Variants in IGFBP2 observed in about 807,000 individuals in gnomAD.
IGFBP2 encodes the protein insulin like growth factor binding protein 2, also known as insulin-like growth factor-binding protein 2.
In IGFBP2, 12 loss-of-function variants were observed where a neutral mutation model predicts 26.2. That is an observed-to-expected ratio of 0.46 (90% CI 0.29 to 0.74). IGFBP2 has a LOEUF of 0.74. Ranked by LOEUF, IGFBP2 falls within the 30% of genes least tolerant of loss-of-function variation. The pLI is 0.09. For synonymous variants in IGFBP2, 189 were observed against 200.6 expected (o/e 0.94, Z 0.49); for missense variants, 328 against 441.2 (o/e 0.74, Z 2.30).
rs112173410 is a variant in IGFBP2, at chr2:216,655,070, CAG to C, written c.443-5486_443-5485del. 5.3e-3 allele frequency among the ~76,000 whole-genome samples: 808 copies of C among 152,212 alleles called. 8 individuals carry two copies. The highest frequency in any genetic ancestry group is 0.018 in the African/African-American group (766 of 41,514). ...AAATTATTATTTTTCGTTTTTGAGA[CAG>C]GGGCTCACTCTGTCACCCAGGCTGG... On this transcript the variant is annotated intron_variant, in intron 1 of 3. Coordinates refer to ENST00000233809, the MANE Select transcript of IGFBP2 (RefSeq NM_000597.3).
rs1281144140 is a variant in IGFBP2, at chr2:216,664,002, G to A, written c.876G>A (p.Lys292=). The A allele has an allele frequency of 5.6e-6, 9 of 1,614,050 alleles. No homozygotes were observed. The highest frequency in any genetic ancestry group is 5.1e-6 in the Non-Finnish European group (6 of 1,180,026). Residue 292 remains lysine, a synonymous_variant, in exon 4 of 4, where the codon AAG becomes AAA. Transcript: ENST00000233809. The surrounding 1 kb of genome is among the most constrained non-coding windows in gnomAD (Gnocchi z 4.6). Reference sequence around the variant, plus strand: ...GGTGTGTGAACCCCAACACCGGGAAGCTGATCCAGGGAGCCCCCACCATCC... The same window carrying A: ...GGTGTGTGAACCCCAACACCGGGAAACTGATCCAGGGAGCCCCCACCATCC... ...ECWCVNPNTG[K]LIQGAPTIRG...
At chr2:216,638,204 A>G (rs1262851826) in intron 1 of IGFBP2, among the ~76,000 whole-genome samples, 1 of 149,886 alleles carries the variant, frequency 6.7e-6, no homozygotes, top group African/African-American at 2.5e-5. Flanking sequence ...AAATAAATAA[A>G]ATAAAAATGC....
chr2:216,659,072 C>A (rs1697978381), intron 1 of IGFBP2, among the ~76,000 whole-genome samples: 1 of 152,168 alleles, frequency 6.6e-6, no homozygotes, highest in African/African-American at 2.4e-5. Context: ...GTGCTGGCTT[C>A]TAAAGGAAGC....
At chr2:216,645,311 A>G (rs1176406430) in intron 1 of IGFBP2, among the ~76,000 whole-genome samples, 1 of 152,164 alleles carries the variant, frequency 6.6e-6, no homozygotes, top group East Asian at 1.9e-4. Context: ...CTGATAGCCT[A>G]CTTCTAGGGA....
Position 216,664,108 on chromosome 2 carries a change from G to GCAGC in IGFBP2, c.*10_*13dup, listed in dbSNP as rs1688710640. On this transcript the variant is annotated 3_prime_UTR_variant, in exon 4 of 4. Coordinates refer to ENST00000233809, the MANE Select transcript of IGFBP2 (RefSeq NM_000597.3). The surrounding 1 kb of genome is among the most constrained non-coding windows in gnomAD (Gnocchi z 4.6). ...GCACACCCAGCGGATGCAGTAGACCGCAGCCAGCCGGTGCCTGGCGCCCCT... is the reference window on the plus strand; with the variant it reads ...GCACACCCAGCGGATGCAGTAGACCGCAGCCAGCCAGCCGGTGCCTGGCGCCCCT... 6.3e-7 allele frequency: 1 copy of GCAGC among 1,581,786 alleles called. No individual in the cohort carries two copies. The highest frequency in any genetic ancestry group is 1.8e-5 in the Admixed American group (1 of 56,848).
chr2:216,649,581 C>T (rs1416584416), intron 1 of IGFBP2, among the ~76,000 whole-genome samples: 1 of 152,186 alleles, frequency 6.6e-6, no homozygotes, highest in East Asian at 1.9e-4. Context: ...GTTTGGGACC[C>T]GTGGAAAGGA....
At chr2:216,653,485 T>A (rs1697864139) in intron 1 of IGFBP2, among the ~76,000 whole-genome samples, 1 of 152,162 alleles carries the variant, frequency 6.6e-6, no homozygotes, top group Non-Finnish European at 1.5e-5. Flanking sequence ...TTGGCTAAAT[T>A]AGTAAGGGTG....
At chr2:216,633,992 G>A in intron 1 of IGFBP2, 27 bp downstream of exon 1, 2 of 1,564,504 alleles carry the variant, frequency 1.3e-6, no homozygotes, top group East Asian at 2.4e-5. Context: ...CAAGTAGTTG[G>A]GAGAAACTTG....
At chr2:216,639,054 C>T (rs913054611) in intron 1 of IGFBP2, among the ~76,000 whole-genome samples, 4 of 138,272 alleles carry the variant, frequency 2.9e-5, no homozygotes, top group African/African-American at 1.1e-4. Context: ...GCTCCGTCGC[C>T]CAGGCTGGAG....
intron 1 of IGFBP2, among the ~76,000 whole-genome samples, chr2:216,653,283 G>A (rs1697860836): frequency 6.6e-6 from 1 of 152,184 alleles, no homozygotes; most frequent in South Asian, 2.1e-4. Context: ...AGGAGAAAAT[G>A]AGATTTTGTG....
chr2:216,650,310 C>T (rs192858024), intron 1 of IGFBP2, among the ~76,000 whole-genome samples: 41 of 152,304 alleles, frequency 2.7e-4, no homozygotes, highest in African/African-American at 8.2e-4. Flanking sequence ...CTGACACCTG[C>T]GCAAGTTGAA....
At chr2:216,649,282 T>C (rs1028419485) in intron 1 of IGFBP2, among the ~76,000 whole-genome samples, 1 of 152,256 alleles carries the variant, frequency 6.6e-6, no homozygotes, top group Non-Finnish European at 1.5e-5. Context: ...TATATATTGT[T>C]CCTTTGTATT....
intron 1 of IGFBP2, 151 bp from the exon 2 acceptor site, chr2:216,660,406 A>G: frequency 1.7e-6 from 1 of 602,160 alleles, no homozygotes; most frequent in Non-Finnish European, 2.9e-6. Flanking sequence ...ATCCATATAA[A>G]TTGCTCAGCA....
chr2:216,652,333 C>G (rs544425749), intron 1 of IGFBP2, among the ~76,000 whole-genome samples: 1 of 152,286 alleles, frequency 6.6e-6, no homozygotes, highest in South Asian at 2.1e-4. Context: ...GCCACCATGC[C>G]TGGCTAATTT....
Position 216,661,649 on chromosome 2 carries a change from C to T in IGFBP2, c.673-209C>T, listed in dbSNP as rs9341205. 63 of 645,558 alleles carry T rather than the reference C, an allele frequency of 9.8e-5. No individual in the cohort carries two copies. In the Admixed American group the frequency reaches 1.3e-3, roughly 13 times the overall value. The allele number at this position is 645,558 out of a possible 1,614,324, so 40.0% of individuals were successfully genotyped here. A position where few individuals can be genotyped will look rare whatever the true frequency, so the allele number is the denominator to read the frequency against. On this transcript the variant is annotated intron_variant, in intron 2 of 3. Coordinates refer to ENST00000233809, the MANE Select transcript of IGFBP2 (RefSeq NM_000597.3). ...AGAGGAGTGAACATTCCCATCCATA[C>T]AATTTTCTTTAGGGGCTGGGGTTGG...
At chr2:216,636,327 A>T (rs1303085810) in intron 1 of IGFBP2, among the ~76,000 whole-genome samples, 3 of 152,130 alleles carry the variant, frequency 2.0e-5, no homozygotes, top group African/African-American at 7.2e-5. Flanking sequence ...TGAGAATTTT[A>T]AACATACCCT....
intron 1 of IGFBP2, among the ~76,000 whole-genome samples, chr2:216,638,029 A>G (rs759732915): frequency 1.3e-5 from 2 of 152,102 alleles, no homozygotes; most frequent in Non-Finnish European, 2.9e-5. Flanking sequence ...CTCTGCTACA[A>G]ATACAAAAAT....
intron 1 of IGFBP2, among the ~76,000 whole-genome samples, chr2:216,647,695 A>AT (rs370380973): frequency 1.3e-5 from 2 of 151,538 alleles, no homozygotes; most frequent in South Asian, 2.1e-4. Context: ...AATTTTTTGT[A>AT]TTTTTTAGTA....
At chr2:216,638,189 TC>T (rs1697538378) in intron 1 of IGFBP2, among the ~76,000 whole-genome samples, 1 of 146,884 alleles carries the variant, frequency 6.8e-6, no homozygotes, top group South Asian at 2.2e-4. Flanking sequence ...AAACTCCGTC[TC>T]AAAAAATAAA....
Sources: gnomAD v4.1 joint callset for allele counts (sites outside exome capture counted in the v4.1 genomes callset) on GRCh38, gnomAD v4.1.1 for gene constraint, Gnocchi (gnomAD v3.1) non-coding constraint, MANE v1.5 for transcripts, NCBI Gene and HGNC (gene_info 2026-07-23, HGNC 2026-07-21) for gene names.